LYAR: variants seen among roughly 807,000 people sequenced by gnomAD.
LYAR encodes the protein Ly1 antibody reactive.
Under a neutral mutation model 45.2 loss-of-function variants are expected in LYAR, and 37 were observed. The observed-to-expected ratio is 0.82, with a 90% CI of 0.63 to 1.08. The LOEUF (loss-of-function observed/expected upper bound fraction) is 1.08, where lower values mean the gene tolerates loss of function less well. Among genes scored for constraint, LYAR ranks in the 50% least tolerant of loss-of-function variants. LYAR has a pLI of 0.00. For missense variants in LYAR, 493 were observed against 451.0 expected, an observed-to-expected ratio of 1.09 and a Z score of -0.84; for synonymous variants, 176 against 155.1, an observed-to-expected ratio of 1.14 and a Z score of -1.00.
At chr4:4,288,028 G>C (rs1719681935) in intron 1 of LYAR, among the ~76,000 whole-genome samples, 1 of 152,076 alleles carries the variant, frequency 6.6e-6, no homozygotes, top group South Asian at 2.1e-4. Context: ...CCCTGACTCA[G>C]GTGTAGAGGA....
intron 4 of LYAR, among the ~76,000 whole-genome samples, chr4:4,281,333 TTTTC>T (rs1392160645): frequency 1.3e-5 from 2 of 152,102 alleles, no homozygotes; most frequent in East Asian, 1.9e-4. Flanking sequence ...TTTTTCTTTC[TTTTC>T]TTTTTCTTTT....
At chr4:4,282,581 C>T (rs1719442859) in intron 3 of LYAR, among the ~76,000 whole-genome samples, 1 of 152,190 alleles carries the variant, frequency 6.6e-6, no homozygotes, top group African/African-American at 2.4e-5. Flanking sequence ...TAGCCAGTAC[C>T]ATCCGAATGC....
At chr4:4,280,413 A>C (rs1159805731) in intron 4 of LYAR, among the ~76,000 whole-genome samples, 1 of 152,230 alleles carries the variant, frequency 6.6e-6, no homozygotes, top group Non-Finnish European at 1.5e-5. Flanking sequence ...TTTTACAGAA[A>C]CAGAAAAATC....
chr4:4,268,689 C>T, intron 8 of LYAR, 74 bp from the exon 9 acceptor site: 1 of 930,262 alleles, frequency 1.1e-6, no homozygotes, highest in Non-Finnish European at 1.7e-6. Context: ...ACAACTTCTG[C>T]AACACCTATT....
intron 6 of LYAR, among the ~76,000 whole-genome samples, chr4:4,278,382 T>C (rs1315500810): frequency 2.6e-5 from 4 of 152,226 alleles, no homozygotes; most frequent in Non-Finnish European, 1.5e-5. Context: ...TAATCAACAA[T>C]GTGGCTGAAA....
At chr4:4,279,304 C>T in intron 6 of LYAR, 143 bp downstream of exon 6, 1 of 613,566 alleles carries the variant, frequency 1.6e-6, no homozygotes, top group African/African-American at 1.9e-5. Flanking sequence ...TGCACTGCAG[C>T]CTGGGCAACA....
At chr4:4,277,957 G>T (rs1309846986) in intron 6 of LYAR, among the ~76,000 whole-genome samples, 1 of 152,162 alleles carries the variant, frequency 6.6e-6, no homozygotes, top group Non-Finnish European at 1.5e-5. Flanking sequence ...GACAAGCTGC[G>T]TTTCGCAGAG....
intron 3 of LYAR, among the ~76,000 whole-genome samples, chr4:4,282,617 G>A (rs1335176088): frequency 6.6e-6 from 1 of 152,210 alleles, no homozygotes; most frequent in Non-Finnish European, 1.5e-5. Flanking sequence ...GGCAGATGCA[G>A]CCAGAAGCCA....
chr4:4,278,298 A>C (rs1174902825), intron 6 of LYAR, among the ~76,000 whole-genome samples: 1 of 152,202 alleles, frequency 6.6e-6, no homozygotes, highest in African/African-American at 2.4e-5. Flanking sequence ...CGATAATTTG[A>C]TAAGAATGAA....
intron 9 of LYAR, 57 bp from the exon 10 acceptor site, chr4:4,268,080 G>C: frequency 6.9e-7 from 1 of 1,442,590 alleles, no homozygotes; most frequent in Non-Finnish European, 9.2e-7. Context: ...ATCTTAAAAT[G>C]TTCTGTCTTT....
chr4:4,275,899 T>C (rs780686249), intron 6 of LYAR, among the ~76,000 whole-genome samples: 5 of 152,200 alleles, frequency 3.3e-5, no homozygotes, highest in Admixed American at 6.5e-5. Context: ...TTTCACCATG[T>C]TGGCCAGGCT....
chr4:4,268,777 A>T lies in LYAR; in HGVS notation c.920-162T>A, dbSNP rs1718811473. 3 of 566,398 alleles carry T rather than the reference A, an allele frequency of 5.3e-6. 1 individual carries two copies. Among genetic ancestry groups the T allele is most frequent in the Admixed American group, 6.3e-5 (2 of 31,570 alleles). The allele number at this position is 566,398 out of a possible 1,614,324, so 35.1% of individuals were successfully genotyped here. On this transcript the variant is annotated intron_variant, in intron 8 of 9. Transcript: ENST00000343470. ...AGCATCTGTTCAATTCCAATGTCCT[A>T]GAAGCACTCACTACCCTTCAAAGGA... is the stretch of plus-strand genomic sequence containing the variant.
rs762580331 is a variant in LYAR, at chr4:4,273,565, A to G, written c.919+18T>C. On this transcript the variant is annotated intron_variant, in intron 8 of 9. Coordinates refer to ENST00000343470, the MANE Select transcript of LYAR (RefSeq NM_017816.3). ...CGCTGTGCCCAGCCGTGCTCCTCAA[A>G]TGACAGCAGTGATATACCTTTTGCA... 1 of 1,597,600 alleles carries G rather than the reference A, an allele frequency of 6.3e-7. No homozygotes were observed. The highest frequency in any genetic ancestry group is 8.6e-7 in the Non-Finnish European group (1 of 1,166,482).
chr4:4,270,915 G>C (rs1718906172), intron 8 of LYAR, among the ~76,000 whole-genome samples: 1 of 152,136 alleles, frequency 6.6e-6, no homozygotes, highest in African/African-American at 2.4e-5. Flanking sequence ...AGGTGTATAT[G>C]GGGCACGTGA....
At chr4:4,279,011 G>A (rs1719292778) in intron 6 of LYAR, among the ~76,000 whole-genome samples, 1 of 152,092 alleles carries the variant, frequency 6.6e-6, no homozygotes, top group Admixed American at 6.6e-5. Flanking sequence ...CATAAATGAA[G>A]GCACTAAGAG....
chr4:4,269,631 C>T (rs1478053821), intron 8 of LYAR, among the ~76,000 whole-genome samples: 1 of 152,178 alleles, frequency 6.6e-6, no homozygotes, highest in African/African-American at 2.4e-5. Flanking sequence ...TCCGCCCCCA[C>T]CTGACAGCAA....
Position 4,283,783 on chromosome 4 carries a change from T to TG in LYAR, c.-42_-41insC, listed in dbSNP as rs769005127. On this transcript the variant is annotated 5_prime_UTR_variant, in exon 3 of 10. Transcript: ENST00000343470. Reference sequence around the variant, plus strand: ...TAAATATTCTCTATCCAAGACAGGTTTTAAGTCTTGTCCTAAGGAAAAAAA... The same window carrying TG: ...TAAATATTCTCTATCCAAGACAGGTTGTTAAGTCTTGTCCTAAGGAAAAAAA... 33 of 1,546,334 alleles carry TG rather than the reference T, an allele frequency of 2.1e-5. No homozygotes were observed. The South Asian group carries it at 3.6e-4, about 17-fold the overall frequency.
intron 4 of LYAR, among the ~76,000 whole-genome samples, chr4:4,280,705 C>A (rs1423935425): frequency 6.6e-6 from 1 of 152,100 alleles, no homozygotes; most frequent in Non-Finnish European, 1.5e-5. Context: ...CTGCTGGTCA[C>A]CAGTGCAAAC....
chr4:4,267,948 T>G lies in LYAR; in HGVS notation c.1081A>C (p.Lys361Gln). The change falls in exon 10 of 10, where the codon AAA becomes CAA. Residue 361 changes from lysine (K) to glutamine (Q), a missense_variant. Coordinates refer to ENST00000343470, the MANE Select transcript of LYAR (RefSeq NM_017816.3). Reference protein sequence around the residue: ...EEELLVIFNKKISKNPTFKLL... With the variant: ...EEELLVIFNKQISKNPTFKLL... ...TTAAAGGTAGGGTTCTTGCTGATTTTCTTGTTAAAGATGACCAGGAGTTCC... is the reference window on the plus strand; with the variant it reads ...TTAAAGGTAGGGTTCTTGCTGATTTGCTTGTTAAAGATGACCAGGAGTTCC... 1 of 1,613,452 alleles carries G rather than the reference T, an allele frequency of 6.2e-7. No homozygotes were observed. Among genetic ancestry groups the G allele is most frequent in the Non-Finnish European group, 8.5e-7 (1 of 1,179,824 alleles).
Sources: gnomAD v4.1 joint callset for allele counts (sites outside exome capture counted in the v4.1 genomes callset) on GRCh38, gnomAD v4.1.1 for gene constraint, MANE v1.5 for transcripts, NCBI Gene and HGNC (gene_info 2026-07-23, HGNC 2026-07-21) for gene names.